The following ADRA1A variants were observed in gnomAD, a reference collection of about 807,000 sequenced individuals.
ADRA1A encodes alpha-1A adrenergic receptor.
Under a neutral mutation model 29.6 loss-of-function variants are expected in ADRA1A, and 31 were observed. The ratio of observed to expected loss-of-function variants is 1.05; its 90% CI spans 0.79 to 1.41. ADRA1A has a LOEUF of 1.41. ADRA1A is among the 40% of genes most tolerant of loss of function. The pLI is 0.00. For synonymous variants in ADRA1A, 311 were observed against 254.3 expected (o/e 1.22, Z -2.12); for missense variants, 619 against 601.1 (o/e 1.03, Z -0.31).
At position 26,866,300 on chromosome 8, in the gene ADRA1A, A is replaced by G. The variant is rs1813903855; in HGVS notation, c.-687+636T>C. ...GACAGAAAGCGACCCAGGTCTGTCC[A>G]CGACGCCTTTCCAAGCCTCACTGTT... On this transcript the variant is annotated intron_variant, in intron 1 of 2. Coordinates refer to ENST00000380573, the MANE Select transcript of ADRA1A (RefSeq NM_000680.4). This position sits in a 1 kb window ranked among gnomAD's most constrained non-coding sequence, Gnocchi z 5.7. Among the ~76,000 whole-genome samples, 1 of 152,158 alleles carries G rather than the reference A, an allele frequency of 6.6e-6. No homozygotes were observed. Among genetic ancestry groups the G allele is most frequent in the Non-Finnish European group, 1.5e-5 (1 of 68,016 alleles).
chr8:26,855,467 T>A (rs1370897096), intron 2 of ADRA1A, among the ~76,000 whole-genome samples: 1 of 146,154 alleles, frequency 6.8e-6, no homozygotes, highest in African/African-American at 2.5e-5. Flanking sequence ...AAAGCACAGA[T>A]AGGAAATTTC....
chr8:26,787,105 C>G lies in ADRA1A; in HGVS notation c.884-16439G>C, dbSNP rs1370547462. Among the ~76,000 whole-genome samples, 3 of 152,228 alleles carry G rather than the reference C, an allele frequency of 2.0e-5. No individual in the cohort carries two copies. In the East Asian group the frequency reaches 5.8e-4, roughly 29 times the overall value. ...TGCAACTAAGGAAAATAGCTGAGCTCAGATTCAAATTCAGGCTTCATGCCC... is the reference window on the plus strand; with the variant it reads ...TGCAACTAAGGAAAATAGCTGAGCTGAGATTCAAATTCAGGCTTCATGCCC... On this transcript the variant is annotated intron_variant, in intron 2 of 2. Coordinates refer to ENST00000380573, the MANE Select transcript of ADRA1A (RefSeq NM_000680.4). This position sits in a 1 kb window ranked among gnomAD's most constrained non-coding sequence, Gnocchi z 4.2.
chr8:26,773,926 C>T (rs1279973223), intron 2 of ADRA1A, among the ~76,000 whole-genome samples: 2 of 152,184 alleles, frequency 1.3e-5, no homozygotes, highest in East Asian at 1.9e-4. Flanking sequence ...CCACTCAAAA[C>T]ACTCATTTCT....
Position 26,825,363 on chromosome 8 carries a change from A to G in ADRA1A, c.883+38724T>C, listed in dbSNP as rs1324266995. 2.1e-5 allele frequency among the ~76,000 whole-genome samples: 3 copies of G among 141,156 alleles called. No homozygotes were observed. Among genetic ancestry groups the G allele is most frequent in the Non-Finnish European group, 3.1e-5 (2 of 64,232 alleles). 92.6% of individuals were successfully genotyped at this position (141,156 alleles called of 152,430 possible). On this transcript the variant is annotated intron_variant, in intron 2 of 2. Transcript: ENST00000380573. The surrounding 1 kb of genome is among the most constrained non-coding windows in gnomAD (Gnocchi z 5.7). ...TTCTTCCATGAAACACTCAAGTGGG[A>G]GAGTTTGGTTGTTTGACAAAAAATG...
chr8:26,766,295 C>A (rs116618300), downstream of ADRA1A: 9 of 650,542 alleles, frequency 1.4e-5, no homozygotes, highest in Non-Finnish European at 2.5e-5. Context: ...ATACAACACC[C>A]GATATGTGTC....
At position 26,860,186 on chromosome 8, in the gene ADRA1A, C is replaced by T. The variant is rs563131488; in HGVS notation, c.883+3901G>A. Among the ~76,000 whole-genome samples, 14 of 152,218 alleles carry T rather than the reference C, an allele frequency of 9.2e-5. No individual in the cohort carries two copies. The highest frequency in any genetic ancestry group is 7.2e-5 in the African/African-American group (3 of 41,544). On this transcript the variant is annotated intron_variant, in intron 2 of 2. Coordinates refer to ENST00000380573, the MANE Select transcript of ADRA1A (RefSeq NM_000680.4). This position sits in a 1 kb window ranked among gnomAD's most constrained non-coding sequence, Gnocchi z 4.7. Reference sequence around the variant, plus strand: ...CTCCCTGGGAGAGCAAATCCAAGAGCGGGCTATGACTAGTCAGAGCATCCA... The same window carrying T: ...CTCCCTGGGAGAGCAAATCCAAGAGTGGGCTATGACTAGTCAGAGCATCCA...
In ADRA1A at chr8:26,770,425, C is replaced by T. The variant is rs780836124; in HGVS notation, c.1125G>A (p.Val375=). ...TCTCTCTTGATCCCACGGGGATGCG[C>T]ACCATGTCCTTGTGTTGCCCTTCCA... ...QAVEGQHKDM[V]RIPVGSRETF... Residue 375 remains valine, a synonymous_variant, in exon 3 of 3, where the codon GTG becomes GTA. Transcript: ENST00000380573. 1.2e-6 allele frequency: 2 copies of T among 1,614,232 alleles called. No homozygotes were observed. The highest frequency in any genetic ancestry group is 1.1e-5 in the South Asian group (1 of 91,086).
chr8:26,812,867 C>T (rs541820085), intron 2 of ADRA1A, among the ~76,000 whole-genome samples: 28 of 151,966 alleles, frequency 1.8e-4, no homozygotes, highest in South Asian at 8.3e-4. Flanking sequence ...GGAGTTTCAC[C>T]GTGTTAGCCA....
intron 2 of ADRA1A, among the ~76,000 whole-genome samples, chr8:26,851,205 A>G: frequency 6.6e-6 from 1 of 152,234 alleles, no homozygotes; most frequent in Admixed American, 6.5e-5. Context: ...TTTTAAAGAG[A>G]AGGGAAAAGA....
chr8:26,832,793 G>A (rs903565574), intron 2 of ADRA1A, among the ~76,000 whole-genome samples: 1 of 152,130 alleles, frequency 6.6e-6, no homozygotes, highest in Non-Finnish European at 1.5e-5. Flanking sequence ...AGGATGGGGT[G>A]GAAGGAGAAG....
chr8:26,824,852 T>G (rs1188866082), intron 2 of ADRA1A, among the ~76,000 whole-genome samples: 3 of 152,120 alleles, frequency 2.0e-5, no homozygotes, highest in South Asian at 2.1e-4. Context: ...CAGGTAGAAA[T>G]CATGTTAAAT....
chr8:26,765,958 C>T (rs200810956), downstream of ADRA1A: 10 of 1,102,188 alleles, frequency 9.1e-6, no homozygotes, highest in Non-Finnish European at 1.1e-5. Flanking sequence ...ATCCAGTTTT[C>T]ACTTAGGAAC....
At chr8:26,782,237 A>G (rs1351857950) in intron 2 of ADRA1A, among the ~76,000 whole-genome samples, 5 of 152,330 alleles carry the variant, frequency 3.3e-5, no homozygotes, top group African/African-American at 1.2e-4. Context: ...AAACAGTCCT[A>G]GGCTCCATCT....
chr8:26,765,299 A>G (rs1254679473), downstream of ADRA1A, among the ~76,000 whole-genome samples: 1 of 152,250 alleles, frequency 6.6e-6, no homozygotes, highest in Non-Finnish European at 1.5e-5. Flanking sequence ...GGGGAGCGTG[A>G]ATGAGCTAAT....
chr8:26,817,178 C>T (rs559784477), intron 2 of ADRA1A, among the ~76,000 whole-genome samples: 82 of 151,978 alleles, frequency 5.4e-4, no homozygotes, highest in East Asian at 4.3e-3. Flanking sequence ...AACCATCAAA[C>T]GAAGTAATAA....
intron 2 of ADRA1A, among the ~76,000 whole-genome samples, chr8:26,773,072 C>CTATATGTAAAATAGT (rs1269316187): frequency 3.3e-5 from 5 of 152,212 alleles, no homozygotes; most frequent in African/African-American, 4.8e-5. Context: ...AGTTATGTGA[C>CTATATGTAAAATAGT]TCTTCCCTAT....
At chr8:26,765,955 T>G, downstream of ADRA1A, 1 of 1,143,396 alleles carries the variant, frequency 8.7e-7, no homozygotes, top group Non-Finnish European at 1.1e-6. Context: ...GATATCCAGT[T>G]TTCACTTAGG....
At chr8:26,828,790 A>T (rs1810772086) in intron 2 of ADRA1A, among the ~76,000 whole-genome samples, 1 of 152,098 alleles carries the variant, frequency 6.6e-6, no homozygotes, top group African/African-American at 2.4e-5. Context: ...ATTGACCTGA[A>T]CACTGAAAAC....
rs981768542 is a variant in ADRA1A, at chr8:26,841,372, A to G, written c.883+22715T>C. Among the ~76,000 whole-genome samples, 1 of 151,780 alleles carries G rather than the reference A, an allele frequency of 6.6e-6. No individual in the cohort carries two copies. Among genetic ancestry groups the G allele is most frequent in the Admixed American group, 6.6e-5 (1 of 15,228 alleles). On this transcript the variant is annotated intron_variant, in intron 2 of 2. Coordinates refer to ENST00000380573, the MANE Select transcript of ADRA1A (RefSeq NM_000680.4). The surrounding 1 kb of genome is among the most constrained non-coding windows in gnomAD (Gnocchi z 4.4). Reference sequence around the variant, plus strand: ...TGTCTGAGCCACCAAAGCCTACCCCACCCTTGCACCTCCTTTCTTACTCCC... The same window carrying G: ...TGTCTGAGCCACCAAAGCCTACCCCGCCCTTGCACCTCCTTTCTTACTCCC...
Sources: allele counts gnomAD v4.1 joint callset (sites outside exome capture counted in the v4.1 genomes callset), GRCh38; gene constraint gnomAD v4.1.1; non-coding constraint Gnocchi (gnomAD v3.1); transcripts MANE v1.5; gene names NCBI Gene and HGNC (gene_info 2026-07-23, HGNC 2026-07-21).